Variants in MAP4K3 observed in about 807,000 individuals in gnomAD.
MAP4K3 encodes the protein mitogen-activated protein kinase kinase kinase kinase 3, also known as MAPK/ERK kinase kinase kinase 3.
Under a neutral mutation model 143.5 loss-of-function variants are expected in MAP4K3, and 94 were observed. That is an observed-to-expected ratio of 0.65 (90% CI 0.55 to 0.78). The LOEUF (loss-of-function observed/expected upper bound fraction) is 0.78. MAP4K3 is among the 30% of genes least tolerant of loss of function. The pLI, the probability that MAP4K3 is intolerant of heterozygous loss-of-function variation, is 0.00. For missense variants in MAP4K3, 1,077 were observed against 1,068.1 expected (o/e 1.01, Z -0.12); for synonymous variants, 416 against 347.2 (o/e 1.20, Z -2.20).
intron 3 of MAP4K3, among the ~76,000 whole-genome samples, chr2:39,349,221 T>G (rs1665380973): frequency 6.6e-6 from 1 of 152,240 alleles, no homozygotes; most frequent in Non-Finnish European, 1.5e-5. Context: ...CTAGATGTTT[T>G]AATATAAATA....
chr2:39,366,101 G>A (rs1384465744), intron 2 of MAP4K3, among the ~76,000 whole-genome samples: 1 of 152,174 alleles, frequency 6.6e-6, no homozygotes, highest in Non-Finnish European at 1.5e-5. Flanking sequence ...CCAAATATGA[G>A]TGACCAATGG....
At position 39,272,348 on chromosome 2, in the gene MAP4K3, T is replaced by G; in HGVS notation, c.1908A>C (p.Ala636=). The G allele has an allele frequency of 1.9e-6, 3 of 1,613,840 alleles. No individual in the cohort carries two copies. Among genetic ancestry groups the G allele is most frequent in the Non-Finnish European group, 2.5e-6 (3 of 1,179,870 alleles). The change falls in exon 26 of 34, where the codon GCA becomes GCC. Residue 636 remains alanine, a synonymous_variant. Coordinates refer to ENST00000263881, the MANE Select transcript of MAP4K3 (RefSeq NM_003618.4). ...CAACAGGTAACTTTTGCATTTGTCT[T>G]GCATAATCAAAAAGCCCTGGTAAAT... ...SHNLPGLFDY[A]RQMQKLPVAI...
intron 1 of MAP4K3, among the ~76,000 whole-genome samples, chr2:39,380,384 T>C (rs1370015815): frequency 1.3e-5 from 2 of 152,160 alleles, no homozygotes; most frequent in African/African-American, 2.4e-5. Flanking sequence ...TATCTCTAAA[T>C]TGACTGTAGT....
intron 1 of MAP4K3, among the ~76,000 whole-genome samples, chr2:39,425,608 C>G (rs1665043396): frequency 6.6e-6 from 1 of 152,124 alleles, no homozygotes; most frequent in Non-Finnish European, 1.5e-5. Context: ...AGAAAGAGAG[C>G]ATCACTAGAA....
intron 2 of MAP4K3, among the ~76,000 whole-genome samples, chr2:39,369,891 C>A (rs553876470): frequency 1.3e-3 from 202 of 152,358 alleles, no homozygotes; most frequent in African/African-American, 4.7e-3. Context: ...CATCACCGTT[C>A]CTTACTGCCA....
intron 2 of MAP4K3, among the ~76,000 whole-genome samples, chr2:39,370,960 T>C (rs1573209802): frequency 1.3e-5 from 2 of 152,116 alleles, no homozygotes; most frequent in South Asian, 4.1e-4. Flanking sequence ...AAAGAATATA[T>C]ATATAAATTC....
In MAP4K3 at chr2:39,333,306, C is replaced by T. The variant is rs552708762; in HGVS notation, c.457+226G>A. On this transcript the variant is annotated intron_variant, in intron 7 of 33. Transcript: ENST00000263881. ...GGTGAAAGAATTCAGAAAGGGTATT[C>T]TTTCACAGTATCTTTACAACAGATA... 2.0e-5 allele frequency among the ~76,000 whole-genome samples: 3 copies of T among 152,144 alleles called. No homozygotes were observed. In the South Asian group the frequency reaches 6.2e-4, roughly 32 times the overall value.
At chr2:39,369,663 G>A (rs1460544171) in intron 2 of MAP4K3, among the ~76,000 whole-genome samples, 1 of 152,122 alleles carries the variant, frequency 6.6e-6, no homozygotes, top group East Asian at 1.9e-4. Flanking sequence ...CAGTCTTGAA[G>A]GCTCATCTGA....
intron 12 of MAP4K3, among the ~76,000 whole-genome samples, chr2:39,322,415 A>C (rs1683337961): frequency 6.6e-6 from 1 of 152,150 alleles, no homozygotes; most frequent in Non-Finnish European, 1.5e-5. Flanking sequence ...AATGCTGTAC[A>C]TAGTAAGTGG....
rs138079910 is a variant in MAP4K3, at chr2:39,419,202, T to C, written c.96+17690A>G. Among the ~76,000 whole-genome samples the C allele has an allele frequency of 5.4e-3, 829 of 152,278 alleles. 9 individuals carry two copies. Among genetic ancestry groups the C allele is most frequent in the African/African-American group, 0.019 (773 of 41,576 alleles). On this transcript the variant is annotated intron_variant, in intron 1 of 33. Coordinates refer to ENST00000263881, the MANE Select transcript of MAP4K3 (RefSeq NM_003618.4). ...TTCTCATCCAAAACAACTAATTTTA[T>C]CATGTATTAATAAGTGAATACTTTC...
chr2:39,264,577 GT>G (rs1680695242), intron 28 of MAP4K3, among the ~76,000 whole-genome samples: 1 of 152,132 alleles, frequency 6.6e-6, no homozygotes, highest in African/African-American at 2.4e-5. Context: ...AGACCACTCA[GT>G]CCATATATAA....
intron 28 of MAP4K3, among the ~76,000 whole-genome samples, chr2:39,263,571 G>A (rs1192006548): frequency 7.2e-5 from 11 of 151,874 alleles, no homozygotes; most frequent in Non-Finnish European, 1.5e-4. Flanking sequence ...GAGCCACCGC[G>A]CCCGGCCCAT....
intron 1 of MAP4K3, among the ~76,000 whole-genome samples, chr2:39,409,673 T>C (rs1667186392): frequency 1.3e-5 from 2 of 152,188 alleles, no homozygotes; most frequent in Non-Finnish European, 2.9e-5. Context: ...TAAAGCATAG[T>C]AGATATTGAG....
At chr2:39,323,786 GT>G (rs1486623723) in intron 12 of MAP4K3, 1 of 151,576 alleles carries the variant, frequency 6.6e-6, no homozygotes, top group Non-Finnish European at 1.5e-5. Context: ...TGCATGAAAA[GT>G]TCATTAACAA....
chr2:39,379,869 C>A (rs1666315341), intron 1 of MAP4K3: 1 of 167,086 alleles, frequency 6.0e-6, no homozygotes, highest in Non-Finnish European at 1.5e-5. Flanking sequence ...GGAGGGCACA[C>A]TCTCTATTTA....
Position 39,288,347 on chromosome 2 carries a change from T to C in MAP4K3, c.1315-67A>G, listed in dbSNP as rs79384143. On this transcript the variant is annotated intron_variant, in intron 19 of 33. Coordinates refer to ENST00000263881, the MANE Select transcript of MAP4K3 (RefSeq NM_003618.4). ...ATTATTTTCCTGAAGTAAGTACTAT[T>C]ATACATTAAAAGCTTTCAAATTATT... The C allele has an allele frequency of 7.3e-4, 1,036 of 1,416,894 alleles. 12 individuals are homozygous for C. The East Asian group carries it at 0.018, about 24-fold the overall frequency. 87.8% of individuals were successfully genotyped at this position (1,416,894 alleles called of 1,614,324 possible).
At chr2:39,263,329 G>A (rs1343987881) in intron 28 of MAP4K3, among the ~76,000 whole-genome samples, 5 of 147,510 alleles carry the variant, frequency 3.4e-5, no homozygotes, top group Non-Finnish European at 7.4e-5. Context: ...CGGGAGTGCA[G>A]TGGCGCAATC....
chr2:39,421,871 C>A (rs565017640), intron 1 of MAP4K3, among the ~76,000 whole-genome samples: 5 of 152,062 alleles, frequency 3.3e-5, no homozygotes, highest in African/African-American at 1.2e-4. Flanking sequence ...CTAAACAACA[C>A]ATTAAAGCCA....
chr2:39,413,324 A>T (rs1038631596), intron 1 of MAP4K3, among the ~76,000 whole-genome samples: 18 of 152,090 alleles, frequency 1.2e-4, no homozygotes, highest in African/African-American at 4.1e-4. Context: ...ACATTTACCT[A>T]ATTAACGAGG....
Sources: gnomAD v4.1 joint callset for allele counts (sites outside exome capture counted in the v4.1 genomes callset) on GRCh38, gnomAD v4.1.1 for gene constraint, MANE v1.5 for transcripts, NCBI Gene and HGNC (gene_info 2026-07-23, HGNC 2026-07-21) for gene names.